The following ABCG1 variants were observed in gnomAD, a reference collection of about 807,000 sequenced individuals.
ABCG1 encodes the protein ATP binding cassette subfamily G member 1.
A neutral mutation model predicts 69.2 loss-of-function variants in ABCG1; 29 were observed. The observed-to-expected ratio is 0.42, with a 90% CI of 0.31 to 0.57. The LOEUF is 0.57. ABCG1 is among the 20% of genes least tolerant of loss of function. The probability of loss-of-function intolerance (pLI) is 0.15; values close to 1 mark genes in which losing one functional copy is unlikely to be tolerated. For missense variants in ABCG1, 718 were observed against 898.1 expected (o/e 0.80, Z 2.56); for synonymous variants, 370 against 374.8 (o/e 0.99, Z 0.15).
intron 2 of ABCG1, chr21:42,256,560 T>C: frequency 6.5e-7 from 1 of 1,542,000 alleles, no homozygotes; most frequent in African/African-American, 1.4e-5. Flanking sequence ...CCATCTGCAT[T>C]CTCTGGGACA....
rs146367139 is a variant in ABCG1, at chr21:42,269,438, GT to G, written c.287-1631del. 2.2e-3 allele frequency among the ~76,000 whole-genome samples: 328 copies of G among 152,304 alleles called. 1 individual carries two copies. The highest frequency in any genetic ancestry group is 7.4e-3 in the African/African-American group (309 of 41,560). Reference sequence around the variant, plus strand: ...TCCTCCTCCAGCCCCGCTAATCTGTGTAGGCCTCAAGTGCTGTGTGTTTGTA... The same window carrying G: ...TCCTCCTCCAGCCCCGCTAATCTGTGAGGCCTCAAGTGCTGTGTGTTTGTA... On this transcript the variant is annotated intron_variant, in intron 2 of 14. Transcript: ENST00000398449.
In ABCG1 at chr21:42,225,894, G is replaced by A; in HGVS notation, c.266G>A (p.Gly89Glu). The change falls in exon 2 of 15, where the codon GGA (glycine) becomes GAA (glutamate). Residue 89 changes from glycine (G) to glutamate (E), a missense_variant. Around this residue, in one of 2 missense-constraint regions of ABCG1, gnomAD observed 514 missense variants for 574.3 expected, o/e 0.90. Transcript: ENST00000398449. ...FRDLSYSVPE[G>E]PWWRKKGYKT... Reference sequence around the variant, plus strand: ...GACCTTTCCTATTCGGTTCCTGAAGGACCCTGGTGGAGGAAGAAAGGTAGG... The same window carrying A: ...GACCTTTCCTATTCGGTTCCTGAAGAACCCTGGTGGAGGAAGAAAGGTAGG... 1 of 1,612,902 alleles carries A rather than the reference G, an allele frequency of 6.2e-7. No individual in the cohort carries two copies. The highest frequency in any genetic ancestry group is 1.1e-5 in the South Asian group (1 of 91,036).
intron 2 of ABCG1, chr21:42,260,260 G>A: frequency 6.7e-7 from 1 of 1,503,654 alleles, no homozygotes; most frequent in Non-Finnish European, 8.9e-7. Context: ...CTAGGACCCA[G>A]CTTCCACCAC....
At chr21:42,243,974 A>T (rs374253567) in intron 2 of ABCG1, among the ~76,000 whole-genome samples, 1 of 151,176 alleles carries the variant, frequency 6.6e-6, no homozygotes, top group Non-Finnish European at 1.5e-5. Flanking sequence ...GCCCGCCACC[A>T]CGCCCGGCTA....
intron 2 of ABCG1, among the ~76,000 whole-genome samples, chr21:42,266,765 A>G (rs1390987067): frequency 1.3e-5 from 2 of 152,082 alleles, no homozygotes; most frequent in African/African-American, 4.8e-5. Flanking sequence ...GGTAATTAAG[A>G]CTACACTAGA....
At chr21:42,277,323 G>A (rs1310660675) in intron 5 of ABCG1, among the ~76,000 whole-genome samples, 1 of 152,156 alleles carries the variant, frequency 6.6e-6, no homozygotes, top group African/African-American at 2.4e-5. Flanking sequence ...AATGAAGATG[G>A]TTAGTCATTC....
rs538856543 is a variant in ABCG1 at position 42,282,161 on chromosome 21, G to A, written c.589-113G>A. ...ACTTGCGTGGCCTCCACGTGGGCCA[G>A]GCACGGTGTGTCCAGCAGGCTGAGG... On this transcript the variant is annotated intron_variant, in intron 5 of 14. Coordinates refer to ENST00000398449, the MANE Select transcript of ABCG1 (RefSeq NM_016818.3). 2.7e-5 allele frequency: 39 copies of A among 1,456,654 alleles called. No individual in the cohort carries two copies. The African/African-American group carries it at 3.9e-4, about 15-fold the overall frequency. The allele number at this position is 1,456,654 out of a possible 1,614,324, so 90.2% of individuals were successfully genotyped here.
In ABCG1 at chr21:42,287,959, G is replaced by A. The variant is rs1217159325; in HGVS notation, c.1044G>A (p.Met348Ile). The A allele has an allele frequency of 6.2e-7, 1 of 1,613,732 alleles. No individual in the cohort carries two copies. The highest frequency in any genetic ancestry group is 8.5e-7 in the Non-Finnish European group (1 of 1,179,828). ...TGGTGAGAGCGGTTCGGGAGGGCATGTGTGACTCAGACCACAAGAGAGACC... is the reference window on the plus strand; with the variant it reads ...TGGTGAGAGCGGTTCGGGAGGGCATATGTGACTCAGACCACAAGAGAGACC... ...SRLVRAVREG[M>I]CDSDHKRDLG... Residue 348 changes from methionine (M) to isoleucine (I), a missense_variant, in exon 9 of 15, where the codon ATG becomes ATA. Around this residue, in one of 2 missense-constraint regions of ABCG1, gnomAD observed 514 missense variants for 574.3 expected, o/e 0.90. Coordinates refer to ENST00000398449, the MANE Select transcript of ABCG1 (RefSeq NM_016818.3). This position sits in a 1 kb window ranked among gnomAD's most constrained non-coding sequence, Gnocchi z 6.2.
chr21:42,279,734 A>G (rs985418822), intron 5 of ABCG1, among the ~76,000 whole-genome samples: 2 of 152,228 alleles, frequency 1.3e-5, no homozygotes, highest in Non-Finnish European at 2.9e-5. Flanking sequence ...CTGGGCGCAC[A>G]GTGAGTGCTG....
At chr21:42,290,441 T>C (rs545828618) in intron 11 of ABCG1, among the ~76,000 whole-genome samples, 2 of 152,360 alleles carry the variant, frequency 1.3e-5, no homozygotes, top group South Asian at 4.1e-4. Context: ...AATGGAAGAC[T>C]TTTAAGCATG....
chr21:42,286,205 C>T, intron 8 of ABCG1: 1 of 531,746 alleles, frequency 1.9e-6, no homozygotes, highest in Non-Finnish European at 3.4e-6. Context: ...CTGTCTCTGC[C>T]TCTCTCCTGT....
chr21:42,222,226 G>A (rs1488680804), intron 1 of ABCG1, among the ~76,000 whole-genome samples: 1 of 152,176 alleles, frequency 6.6e-6, no homozygotes, highest in African/African-American at 2.4e-5. Flanking sequence ...GGAGAAACTC[G>A]CTGTAACCTA....
intron 13 of ABCG1, among the ~76,000 whole-genome samples, chr21:42,293,072 C>CACACACACT (rs2069108305): frequency 1.4e-5 from 1 of 72,700 alleles, no homozygotes; most frequent in Non-Finnish European, 2.6e-5. Flanking sequence ...CCACACTACA[C>CACACACACT]ACACACCACA....
At chr21:42,292,091 C>T (rs974713478) in intron 13 of ABCG1, among the ~76,000 whole-genome samples, 1 of 152,124 alleles carries the variant, frequency 6.6e-6, no homozygotes, top group Admixed American at 6.5e-5. Context: ...TCCATGGGCC[C>T]CTTCCTCCTC....
chr21:42,268,392 C>CGCGT lies in ABCG1; in HGVS notation c.287-2675_287-2674insTGCG, dbSNP rs1555957943. ...GTGTGTGTGTGTGTGTGTGTGTGCG[C>CGCGT]GCGCGCGCTGGATACTCAGGAAACC... On this transcript the variant is annotated intron_variant, in intron 2 of 14. Transcript: ENST00000398449. 9.6e-3 allele frequency among the ~76,000 whole-genome samples: 1,166 copies of CGCGT among 121,716 alleles called. 14 individuals carry two copies. The highest frequency in any genetic ancestry group is 0.034 in the African/African-American group (1,067 of 31,252). The allele number at this position is 121,716 out of a possible 152,430, so 79.9% of individuals were successfully genotyped here. A position where few individuals can be genotyped will look rare whatever the true frequency, so the allele number is the denominator to read the frequency against.
Position 42,273,101 on chromosome 21 carries a change from C to T in ABCG1, c.405-202C>T, listed in dbSNP as rs780651907. 6.6e-6 allele frequency among the ~76,000 whole-genome samples: 1 copy of T among 152,230 alleles called. No individual in the cohort carries two copies. The highest frequency in any genetic ancestry group is 1.5e-5 in the Non-Finnish European group (1 of 68,036). On this transcript the variant is annotated intron_variant, in intron 3 of 14. Transcript: ENST00000398449. The surrounding 1 kb of genome is among the most constrained non-coding windows in gnomAD (Gnocchi z 5.3). ...GCTTCCTCTTCCCAGCAGGAGCTTT[C>T]TCTGTGGAATGTCTTCCTCCCGATC...
chr21:42,228,698 G>T (rs1431860835), intron 2 of ABCG1, among the ~76,000 whole-genome samples: 1 of 152,244 alleles, frequency 6.6e-6, no homozygotes, highest in Non-Finnish European at 1.5e-5. Context: ...CAGCAGGGAA[G>T]CAGAGCTCTT....
intron 2 of ABCG1, among the ~76,000 whole-genome samples, chr21:42,233,243 A>G (rs1046434623): frequency 6.6e-6 from 1 of 152,178 alleles, no homozygotes; most frequent in Non-Finnish European, 1.5e-5. Context: ...TGGTGTCAAA[A>G]GTAAGACACA....
At chr21:42,263,982 C>T (rs1292753198) in intron 2 of ABCG1, among the ~76,000 whole-genome samples, 1 of 152,218 alleles carries the variant, frequency 6.6e-6, no homozygotes, top group African/African-American at 2.4e-5. Flanking sequence ...GGCTCCATTC[C>T]AGGTTCGCGG....
Sources: gnomAD v4.1 joint callset for allele counts (sites outside exome capture counted in the v4.1 genomes callset) on GRCh38, gnomAD v4.1.1 for gene constraint, gnomAD v4.1.1 regional missense constraint, Gnocchi (gnomAD v3.1) non-coding constraint, MANE v1.5 for transcripts, NCBI Gene and HGNC (gene_info 2026-07-23, HGNC 2026-07-21) for gene names.